TBC1D4: variants seen among roughly 807,000 people sequenced by gnomAD.
TBC1D4 encodes the protein TBC1 domain family member 4, also known as TBC (Tre-2, BUB2, CDC16) domain-containing protein.
A neutral mutation model predicts 142.5 loss-of-function variants in TBC1D4; 121 were observed. That is an observed-to-expected ratio of 0.85 (90% confidence interval 0.73 to 0.99). The LOEUF (loss-of-function observed/expected upper bound fraction) is 0.99, where lower values mean the gene tolerates loss of function less well. Ranked by LOEUF, TBC1D4 falls within the 50% of genes least tolerant of loss-of-function variation. TBC1D4 has a pLI of 0.00. For missense variants in TBC1D4, 1,475 were observed against 1,606.6 expected, an observed-to-expected ratio of 0.92 and a Z score of 1.40; for synonymous variants, 630 against 628.2, an observed-to-expected ratio of 1.00 and a Z score of -0.04.
intron 1 of TBC1D4, among the ~76,000 whole-genome samples, chr13:75,450,977 T>TC (rs1887509145): frequency 6.6e-6 from 1 of 152,178 alleles, no homozygotes. Flanking sequence ...AAGTTACCAC[T>TC]CAGGAGCTAG....
intron 1 of TBC1D4, 64 bp downstream of exon 1, chr13:75,481,206 C>CCCCCCAA: frequency 8.3e-7 from 1 of 1,203,772 alleles, no homozygotes; most frequent in Non-Finnish European, 1.2e-6. Context: ...CCCCGCCCCT[C>CCCCCCAA]CCGCCCTGCT....
At chr13:75,388,590 T>C (rs1187212095) in intron 1 of TBC1D4, among the ~76,000 whole-genome samples, 1 of 152,240 alleles carries the variant, frequency 6.6e-6, no homozygotes, top group Non-Finnish European at 1.5e-5. Context: ...TGCCACTGCA[T>C]TGATACATGC....
chr13:75,299,559 G>A lies in TBC1D4; in HGVS notation c.2927C>T (p.Thr976Ile). The A allele has an allele frequency of 1.9e-6, 3 of 1,614,144 alleles. No individual in the cohort carries two copies. The highest frequency in any genetic ancestry group is 2.5e-6 in the Non-Finnish European group (3 of 1,180,016). ...AAGCTGTACTGAAAAGTAAGGGTGA[G>A]TAGGAAACGTCCTTCCTGCAGAGGA... Reference protein sequence around the residue: ...ILVDLGRTFPTHPYFSVQLGP... With the variant: ...ILVDLGRTFPIHPYFSVQLGP... The change falls in exon 17 of 21, where the codon ACT becomes ATT. Residue 976 changes from threonine (T) to isoleucine (I), a missense_variant. By Grantham distance (89) the Thr-to-Ile change is moderately conservative. Transcript: ENST00000377636.
At chr13:75,364,011 T>C (rs1301144793) in intron 1 of TBC1D4, among the ~76,000 whole-genome samples, 1 of 152,096 alleles carries the variant, frequency 6.6e-6, no homozygotes, top group Non-Finnish European at 1.5e-5. Context: ...TAGGGAGACA[T>C]GAGACATCAA....
intron 10 of TBC1D4, 136 bp from the exon 11 acceptor site, chr13:75,324,537 T>C (rs1879064438): frequency 3.9e-6 from 4 of 1,029,552 alleles, no homozygotes; most frequent in Admixed American, 2.6e-5. Flanking sequence ...GGATCTTACA[T>C]GAAAAAAAAA....
At chr13:75,434,957 G>C (rs1886735793) in intron 1 of TBC1D4, among the ~76,000 whole-genome samples, 1 of 150,216 alleles carries the variant, frequency 6.7e-6, no homozygotes, top group Admixed American at 6.7e-5. Flanking sequence ...AGATTGGCCT[G>C]GCCAACATGG....
intron 1 of TBC1D4, among the ~76,000 whole-genome samples, chr13:75,404,198 T>C (rs1885227892): frequency 6.6e-6 from 1 of 152,196 alleles, no homozygotes; most frequent in Non-Finnish European, 1.5e-5. Flanking sequence ...AAAGCAGAGT[T>C]CAAAACTGCA....
At chr13:75,426,441 C>T (rs1216881647) in intron 1 of TBC1D4, among the ~76,000 whole-genome samples, 1 of 152,136 alleles carries the variant, frequency 6.6e-6, no homozygotes, top group African/African-American at 2.4e-5. Flanking sequence ...GGAGGTCAAC[C>T]CTATTTGTTA....
chr13:75,344,166 T>C (rs1383445863), intron 5 of TBC1D4, among the ~76,000 whole-genome samples: 1 of 152,194 alleles, frequency 6.6e-6, no homozygotes, highest in Admixed American at 6.5e-5. Flanking sequence ...CAATTTATTA[T>C]TTGCTGGGAA....
At chr13:75,413,648 C>G (rs1002105036) in intron 1 of TBC1D4, among the ~76,000 whole-genome samples, 2 of 152,160 alleles carry the variant, frequency 1.3e-5, no homozygotes, top group African/African-American at 4.8e-5. Context: ...TATGGAATTT[C>G]AAGAACAAAG....
Position 75,299,495 on chromosome 13 carries a change from G to A in TBC1D4, c.2991C>T (p.Ala997=). 1 of 1,614,200 alleles carries A rather than the reference G, an allele frequency of 6.2e-7. No individual in the cohort carries two copies. The highest frequency in any genetic ancestry group is 8.5e-7 in the Non-Finnish European group (1 of 1,180,034). Residue 997 remains alanine, a synonymous_variant, in exon 17 of 21, where the codon GCC becomes GCT. Transcript: ENST00000377636. The stretch of plus-strand genomic sequence containing the variant: ...CCACTTCTTTGTCCAGCAAAGAATA[G>A]GCTTTCAGGAGGTTAAACAGTGACA... The part of the protein sequence containing the change: ...GQLSLFNLLK[A]YSLLDKEVGY...
chr13:75,304,835 A>G (rs371243876), intron 15 of TBC1D4, among the ~76,000 whole-genome samples: 1 of 152,228 alleles, frequency 6.6e-6, no homozygotes, highest in East Asian at 1.9e-4. Context: ...GGAACATTCC[A>G]TGCAAGAAAT....
chr13:75,462,610 C>A (rs1224447249), intron 1 of TBC1D4, among the ~76,000 whole-genome samples: 1 of 151,892 alleles, frequency 6.6e-6, no homozygotes, highest in African/African-American at 2.4e-5. Flanking sequence ...CATCCCTACA[C>A]CAATGCCTAC....
intron 1 of TBC1D4, among the ~76,000 whole-genome samples, chr13:75,366,461 C>T (rs989634858): frequency 6.6e-6 from 1 of 151,848 alleles, no homozygotes; most frequent in Admixed American, 6.6e-5. Context: ...GGAAAAATCA[C>T]CTTTATGATT....
intron 1 of TBC1D4, among the ~76,000 whole-genome samples, chr13:75,427,288 C>T (rs138956851): frequency 1.3e-5 from 2 of 152,202 alleles, no homozygotes; most frequent in African/African-American, 4.8e-5. Context: ...GGGGTTTCAC[C>T]GTGGTCTCGA....
intron 1 of TBC1D4, among the ~76,000 whole-genome samples, chr13:75,424,531 AC>A (rs1413618160): frequency 6.6e-6 from 1 of 152,192 alleles, no homozygotes; most frequent in East Asian, 1.9e-4. Context: ...TTCACGTGGA[AC>A]CACAAAAGAC....
At chr13:75,396,966 C>A (rs776086036) in intron 1 of TBC1D4, among the ~76,000 whole-genome samples, 2 of 152,034 alleles carry the variant, frequency 1.3e-5, no homozygotes, top group African/African-American at 4.8e-5. Flanking sequence ...AAACAGGAAG[C>A]CATACAATCT....
Position 75,438,963 on chromosome 13 carries a change from T to A in TBC1D4, c.498+42307A>T, listed in dbSNP as rs150793065. 2.1e-3 allele frequency among the ~76,000 whole-genome samples: 319 copies of A among 152,312 alleles called. 2 individuals are homozygous for A. Among genetic ancestry groups the A allele is most frequent in the African/African-American group, 7.2e-3 (300 of 41,588 alleles). The stretch of plus-strand genomic sequence containing the variant: ...GCAATTTAAGTGGAAAGCTACATTA[T>A]TTTAGTGCCAAATATTTTGTACAGT... On this transcript the variant is annotated intron_variant, in intron 1 of 20. Transcript: ENST00000377636.
chr13:75,389,285 T>C (rs1884343457), intron 1 of TBC1D4, among the ~76,000 whole-genome samples: 2 of 152,224 alleles, frequency 1.3e-5, no homozygotes, highest in Non-Finnish European at 2.9e-5. Flanking sequence ...TTCATATTAA[T>C]GAGCTAACCT....
Sources: gnomAD v4.1 joint callset for allele counts (sites outside exome capture counted in the v4.1 genomes callset) on GRCh38, gnomAD v4.1.1 for gene constraint, MANE v1.5 for transcripts, NCBI Gene and HGNC (gene_info 2026-07-23, HGNC 2026-07-21) for gene names.